The following SNX14 variants were observed in gnomAD, a reference collection of about 807,000 sequenced individuals.
SNX14 encodes the protein sorting nexin-14.
In SNX14, 93 loss-of-function variants were observed where a neutral mutation model predicts 133.8. The observed-to-expected ratio is 0.70, with a 90% CI of 0.59 to 0.83. The LOEUF is 0.83. Ranked by LOEUF, SNX14 falls within the 40% of genes least tolerant of loss-of-function variation. SNX14 has a pLI of 0.00. For missense variants in SNX14, 945 were observed against 1,094.9 expected, an observed-to-expected ratio of 0.86 and a Z score of 1.93; for synonymous variants, 368 against 365.6, an observed-to-expected ratio of 1.01 and a Z score of -0.07.
chr6:85,546,684 C>T (rs747931649), intron 12 of SNX14, among the ~76,000 whole-genome samples: 60 of 151,880 alleles, frequency 4.0e-4, no homozygotes, highest in Non-Finnish European at 3.5e-4. Context: ...AGTATATGGC[C>T]GGGCGCGGTG....
intron 17 of SNX14, among the ~76,000 whole-genome samples, chr6:85,536,320 G>C (rs1582724466): frequency 6.6e-6 from 1 of 152,210 alleles, no homozygotes; most frequent in East Asian, 1.9e-4. Flanking sequence ...AATTGATTCA[G>C]TAAGTCTAGG....
intron 4 of SNX14, among the ~76,000 whole-genome samples, chr6:85,569,628 G>A (rs772392174): frequency 2.6e-5 from 4 of 151,994 alleles, no homozygotes; most frequent in Non-Finnish European, 5.9e-5. Context: ...TTTCTAAAGG[G>A]CCACATAAAA....
chr6:85,517,729 A>G (rs984140728), intron 23 of SNX14, 27 bp downstream of exon 23: 1 of 1,558,946 alleles, frequency 6.4e-7, no homozygotes, highest in Non-Finnish European at 8.6e-7. Context: ...TTAAAACTTA[A>G]TAGTTCTTTA....
At chr6:85,549,918 G>A (rs1787138828) in intron 7 of SNX14, 39 bp from the exon 8 acceptor site, 2 of 1,545,266 alleles carry the variant, frequency 1.3e-6, no homozygotes, top group Non-Finnish European at 1.8e-6. Flanking sequence ...CAAGTTAAGT[G>A]ACATTAAATA....
Position 85,530,226 on chromosome 6 carries a change from G to A in SNX14, c.1860C>T (p.Phe620=). 6.2e-7 allele frequency: 1 copy of A among 1,601,484 alleles called. No homozygotes were observed. Among genetic ancestry groups the A allele is most frequent in the South Asian group, 1.1e-5 (1 of 89,458 alleles). The change falls in exon 19 of 29, where the codon TTC becomes TTT. Residue 620 remains phenylalanine, a synonymous_variant. Coordinates refer to ENST00000314673, the MANE Select transcript of SNX14 (RefSeq NM_153816.6). ...HWSVYRRYLE[F]YVLESKLTEF... ...CTGTTAGTTTTGATTCAAGTACATA[G>A]AATTCAAGATATCTTCTATAGACAG... is the stretch of plus-strand genomic sequence containing the variant.
At chr6:85,568,511 A>G (rs369329692) in intron 4 of SNX14, 1 of 152,238 alleles carries the variant, frequency 6.6e-6, no homozygotes, top group Admixed American at 6.5e-5. Flanking sequence ...CATAAGTTAT[A>G]TAAGTGAAAA....
Position 85,558,127 on chromosome 6 carries a change from A to G in SNX14, c.550-67T>C. The G allele has an allele frequency of 1.0e-5, 8 of 773,822 alleles. No homozygotes were observed. The South Asian group carries it at 1.2e-4, about 12-fold the overall frequency. 47.9% of individuals were successfully genotyped at this position (773,822 alleles called of 1,614,324 possible). A position where few individuals can be genotyped will look rare whatever the true frequency, so the allele number is the denominator to read the frequency against. On this transcript the variant is annotated intron_variant, in intron 6 of 28. Transcript: ENST00000314673. ...TAAGTTACAATGGCAGGTACACTACAATTATGATATTGGAATATATCTTAA... is the reference window on the plus strand; with the variant it reads ...TAAGTTACAATGGCAGGTACACTACGATTATGATATTGGAATATATCTTAA...
rs186072890 is a variant in SNX14, at chr6:85,567,654, T to C, written c.418-77A>G. 409 of 927,452 alleles carry C rather than the reference T, an allele frequency of 4.4e-4. No individual in the cohort carries two copies. In the African/African-American group the frequency reaches 5.0e-3, roughly 11 times the overall value. 57.5% of individuals were successfully genotyped at this position (927,452 alleles called of 1,614,324 possible). ...AAATAAATGGTACCATTTGGGAATA[T>C]GTAACATTACCAAGAAACAATTTTA... On this transcript the variant is annotated intron_variant, in intron 4 of 28. Transcript: ENST00000314673.
chr6:85,515,862 G>A (rs1485092163), intron 23 of SNX14, among the ~76,000 whole-genome samples: 1 of 151,978 alleles, frequency 6.6e-6, no homozygotes, highest in Non-Finnish European at 1.5e-5. Context: ...TTTCAGCACG[G>A]TTTGCATTAT....
At chr6:85,548,448 G>T in intron 8 of SNX14, 72 bp from the exon 9 acceptor site, 1 of 1,142,804 alleles carries the variant, frequency 8.8e-7, no homozygotes. Flanking sequence ...AAGTGCATGT[G>T]AATTACGTAA....
chr6:85,550,955 A>AT (rs1445780315), intron 7 of SNX14, among the ~76,000 whole-genome samples: 1 of 151,786 alleles, frequency 6.6e-6, no homozygotes, highest in East Asian at 1.9e-4. Flanking sequence ...TAATTTTTAT[A>AT]TTTTTTGTAG....
At chr6:85,522,099 T>C (rs150359213) in intron 21 of SNX14, among the ~76,000 whole-genome samples, 5 of 152,370 alleles carry the variant, frequency 3.3e-5, no homozygotes, top group African/African-American at 1.2e-4. Flanking sequence ...TACAGGTTTC[T>C]ATATAGGACT....
At position 85,547,366 on chromosome 6, in the gene SNX14, A is replaced by G; in HGVS notation, c.944T>C (p.Leu315Ser). ...PEKATEPASP[L>S]VPFLQKFAEP... ...TGCAAATTTCTGCAAGAATGGAACC[A>G]AAGGAGAAGCCGGTTCAGTTGCTTT... is the stretch of plus-strand genomic sequence containing the variant. Residue 315 changes from leucine (L) to serine (S), a missense_variant, in exon 11 of 29, where the codon TTG becomes TCG. By Grantham distance (145) the Leu-to-Ser change is moderately radical. Transcript: ENST00000314673. 6.2e-7 allele frequency: 1 copy of G among 1,613,862 alleles called. No homozygotes were observed. Among genetic ancestry groups the G allele is most frequent in the Non-Finnish European group, 8.5e-7 (1 of 1,179,970 alleles).
intron 18 of SNX14, among the ~76,000 whole-genome samples, chr6:85,532,124 T>C (rs1186918807): frequency 3.9e-5 from 6 of 152,228 alleles, no homozygotes; most frequent in African/African-American, 1.2e-4. Flanking sequence ...TTATAATTTA[T>C]GTTAAATGAT....
chr6:85,585,186 G>A (rs1475307047), intron 1 of SNX14, among the ~76,000 whole-genome samples: 2 of 152,112 alleles, frequency 1.3e-5, no homozygotes, highest in Non-Finnish European at 2.9e-5. Flanking sequence ...GTTGAACAAT[G>A]AGAACACATA....
intron 4 of SNX14, among the ~76,000 whole-genome samples, chr6:85,570,926 T>C (rs1417868289): frequency 6.6e-6 from 1 of 152,140 alleles, no homozygotes; most frequent in Non-Finnish European, 1.5e-5. Context: ...ATCTTCAAAA[T>C]CCACTATATA....
At position 85,563,842 on chromosome 6, in the gene SNX14, T is replaced by C. The variant is rs1285384829; in HGVS notation, c.549+1490A>G. Reference sequence around the variant, plus strand: ...AATGTGCAGGTTTGTTACATATGTATACATGTGCCATGTTGGTGTGCTGCA... The same window carrying C: ...AATGTGCAGGTTTGTTACATATGTACACATGTGCCATGTTGGTGTGCTGCA... On this transcript the variant is annotated intron_variant, in intron 6 of 28. Transcript: ENST00000314673. Among the ~76,000 whole-genome samples, 3 of 152,302 alleles carry C rather than the reference T, an allele frequency of 2.0e-5. No homozygotes were observed. The East Asian group carries it at 5.8e-4, about 29-fold the overall frequency.
intron 7 of SNX14, among the ~76,000 whole-genome samples, chr6:85,552,498 T>G (rs1323196787): frequency 2.0e-5 from 3 of 151,978 alleles, no homozygotes; most frequent in African/African-American, 7.2e-5. Flanking sequence ...AAGAAAAAAC[T>G]TATGAGTCCC....
At chr6:85,563,850 C>A (rs963039669) in intron 6 of SNX14, among the ~76,000 whole-genome samples, 1 of 151,904 alleles carries the variant, frequency 6.6e-6, no homozygotes, top group Admixed American at 6.6e-5. Flanking sequence ...TATACATGTG[C>A]CATGTTGGTG....
Sources: allele counts gnomAD v4.1 joint callset (sites outside exome capture counted in the v4.1 genomes callset), GRCh38; gene constraint gnomAD v4.1.1; transcripts MANE v1.5; gene names NCBI Gene and HGNC (gene_info 2026-07-23, HGNC 2026-07-21).